The following DENND3 variants were observed in gnomAD, a reference collection of about 807,000 sequenced individuals.
DENND3 encodes DENN domain containing 3.
Under a neutral mutation model 135.1 loss-of-function variants are expected in DENND3, and 88 were observed. The observed-to-expected ratio is 0.65, with a 90% confidence interval of 0.55 to 0.78. The LOEUF (loss-of-function observed/expected upper bound fraction) is 0.78, where lower values mean the gene tolerates loss of function less well. Among genes scored for constraint, DENND3 ranks in the 30% least tolerant of loss-of-function variants. DENND3 has a pLI of 0.00. For missense variants in DENND3, 1,392 were observed against 1,688.4 expected, an observed-to-expected ratio of 0.82 and a Z score of 3.08; for synonymous variants, 693 against 712.3, an observed-to-expected ratio of 0.97 and a Z score of 0.43.
Position 141,141,476 on chromosome 8 carries a change from G to A in DENND3, c.623+152G>A, listed in dbSNP as rs1817449973. 2.2e-6 allele frequency: 2 copies of A among 909,286 alleles called. No homozygotes were observed. The highest frequency in any genetic ancestry group is 2.5e-5 in the Admixed American group (1 of 40,434). The allele number at this position is 909,286 out of a possible 1,614,324, so 56.3% of individuals were successfully genotyped here. A position where few individuals can be genotyped will look rare whatever the true frequency, so the allele number is the denominator to read the frequency against. On this transcript the variant is annotated intron_variant, in intron 4 of 22. Transcript: ENST00000519811. This position sits in a 1 kb window ranked among gnomAD's most constrained non-coding sequence, Gnocchi z 5.3. Reference sequence around the variant, plus strand: ...GGGGACCGGGCGCTGGGGGCAGTAGGAGGGGCAGTTCTCTGTGCCTCTTAG... The same window carrying A: ...GGGGACCGGGCGCTGGGGGCAGTAGAAGGGGCAGTTCTCTGTGCCTCTTAG...
intron 16 of DENND3, 114 bp from the exon 17 acceptor site, chr8:141,180,633 G>A (rs1381174490): frequency 4.0e-6 from 4 of 1,002,312 alleles, no homozygotes; most frequent in Non-Finnish European, 6.0e-6. Flanking sequence ...TCACAAATTA[G>A]GAAGTTTTAC....
rs889453633 is a variant in DENND3, at chr8:141,168,329, G to A, written c.2079G>A (p.Gln693=). The A allele has an allele frequency of 1.9e-6, 3 of 1,613,898 alleles. No individual in the cohort carries two copies. Among genetic ancestry groups the A allele is most frequent in the Non-Finnish European group, 2.5e-6 (3 of 1,180,032 alleles). Residue 693 remains glutamine, a synonymous_variant, in exon 13 of 23, where the codon CAG becomes CAA. Coordinates refer to ENST00000519811, the MANE Select transcript of DENND3 (RefSeq NM_001352890.3). This position sits in a 1 kb window ranked among gnomAD's most constrained non-coding sequence, Gnocchi z 6.2. ...CCCCTGAGTGGGAGGGGGCTGAGCA[G>A]GCGCCGGAGCTGATGAGGCTCATCA... ...MSAPEWEGAE[Q]APELMRLISE...
Position 141,168,198 on chromosome 8 carries a change from C to G in DENND3, c.1948C>G (p.Gln650Glu). The change falls in exon 13 of 23, where the codon CAG becomes GAG. Residue 650 changes from glutamine to glutamate, a missense_variant. Physicochemically the swap from Gln to Glu is conservative, Grantham distance 29. Transcript: ENST00000519811. The surrounding 1 kb of genome is among the most constrained non-coding windows in gnomAD (Gnocchi z 6.2). Reference protein sequence around the residue: ...LYLRGLVYLMQGQLLNALLDF... With the variant: ...LYLRGLVYLMEGQLLNALLDF... ...CCTCCGAGGGCTCGTTTATCTGATG[C>G]AGGGACAGCTGCTGAACGCCCTCTT... is the stretch of plus-strand genomic sequence containing the variant. The G allele has an allele frequency of 6.2e-7, 1 of 1,614,182 alleles. No homozygotes were observed.
chr8:141,165,890 C>G (rs557047978), intron 11 of DENND3, among the ~76,000 whole-genome samples: 1 of 152,270 alleles, frequency 6.6e-6, no homozygotes, highest in East Asian at 1.9e-4. Flanking sequence ...CACCTCCCCC[C>G]ATCCTCAAAG....
rs139559881 is a variant in DENND3, at chr8:141,139,976, C to A, written c.502-1227C>A. Among the ~76,000 whole-genome samples the A allele has an allele frequency of 6.6e-6, 1 of 151,874 alleles. No individual in the cohort carries two copies. The highest frequency in any genetic ancestry group is 2.4e-5 in the African/African-American group (1 of 41,292). ...AGGCTTTAGTGCAGCGGTGTGATCACGGCTCACTGCAGCCTTGAACTCCAG... is the reference window on the plus strand; with the variant it reads ...AGGCTTTAGTGCAGCGGTGTGATCAAGGCTCACTGCAGCCTTGAACTCCAG... On this transcript the variant is annotated intron_variant, in intron 3 of 22. Coordinates refer to ENST00000519811, the MANE Select transcript of DENND3 (RefSeq NM_001352890.3). The surrounding 1 kb of genome is among the most constrained non-coding windows in gnomAD (Gnocchi z 4.2).
chr8:141,151,949 C>G, intron 7 of DENND3, 112 bp downstream of exon 7: 1 of 1,307,816 alleles, frequency 7.6e-7, no homozygotes, highest in South Asian at 1.3e-5. Context: ...GTCTGTGTGC[C>G]GCAGAGAGGT....
At chr8:141,143,273 A>T (rs549682847) in intron 4 of DENND3, among the ~76,000 whole-genome samples, 11 of 152,288 alleles carry the variant, frequency 7.2e-5, no homozygotes, top group Middle Eastern at 3.4e-3. Flanking sequence ...AGTTTTTTTT[A>T]AATTTTTTTT....
At chr8:141,152,888 T>G (rs1401444657) in intron 7 of DENND3, among the ~76,000 whole-genome samples, 1 of 152,166 alleles carries the variant, frequency 6.6e-6, no homozygotes, top group Non-Finnish European at 1.5e-5. Flanking sequence ...TTCTAGCTTC[T>G]CCTAACGTCC....
intron 13 of DENND3, among the ~76,000 whole-genome samples, chr8:141,171,151 T>G (rs1821502101): frequency 6.6e-6 from 1 of 152,160 alleles, no homozygotes; most frequent in Non-Finnish European, 1.5e-5. Context: ...GAGCCTGAAG[T>G]TACCAATGTA....
intron 13 of DENND3, among the ~76,000 whole-genome samples, chr8:141,173,943 T>C (rs1306382201): frequency 6.6e-6 from 1 of 152,088 alleles, no homozygotes; most frequent in Non-Finnish European, 1.5e-5. Flanking sequence ...GTTCTTGGGG[T>C]GTAGCAAGTG....
intron 5 of DENND3, among the ~76,000 whole-genome samples, chr8:141,149,977 C>A (rs1163537535): frequency 6.6e-6 from 1 of 152,146 alleles, no homozygotes; most frequent in East Asian, 1.9e-4. Context: ...CCTGTTTTCT[C>A]CCCCCGGCTC....
At chr8:141,177,766 C>A (rs769167290) in intron 15 of DENND3, 7 of 291,746 alleles carry the variant, frequency 2.4e-5, no homozygotes, top group Non-Finnish European at 3.2e-5. Flanking sequence ...CTCGGTGCTC[C>A]CATGCCGCAG....
rs1191156289 is a variant in DENND3, at chr8:141,137,061, C to T, written c.385+270C>T. On this transcript the variant is annotated intron_variant, in intron 2 of 22. Transcript: ENST00000519811. The surrounding 1 kb of genome is among the most constrained non-coding windows in gnomAD (Gnocchi z 4.1). ...GTGGCACAATCTCCTTTCACTTCATCCTCTGCCTCCTGGGTTCAAGTGATT... is the reference window on the plus strand; with the variant it reads ...GTGGCACAATCTCCTTTCACTTCATTCTCTGCCTCCTGGGTTCAAGTGATT... Among the ~76,000 whole-genome samples, 2 of 152,164 alleles carry T rather than the reference C, an allele frequency of 1.3e-5. No homozygotes were observed. Among genetic ancestry groups the T allele is most frequent in the East Asian group, 3.8e-4 (2 of 5,200 alleles).
At chr8:141,159,580 C>T (rs960451414) in intron 8 of DENND3, among the ~76,000 whole-genome samples, 26 of 152,222 alleles carry the variant, frequency 1.7e-4, no homozygotes, top group Non-Finnish European at 3.8e-4. Context: ...TACTTCCTCC[C>T]ACTCACATGG....
chr8:141,157,282 T>C, intron 8 of DENND3: 1 of 985,142 alleles, frequency 1.0e-6, no homozygotes, highest in Non-Finnish European at 1.2e-6. Flanking sequence ...AGAGGAGGTG[T>C]AATTGCTAAT....
intron 9 of DENND3, among the ~76,000 whole-genome samples, chr8:141,162,770 C>T (rs1315206077): frequency 6.6e-6 from 1 of 152,146 alleles, no homozygotes. Context: ...AAAAATTAGC[C>T]AGGCATGGTG....
At position 141,168,546 on chromosome 8, in the gene DENND3, A is replaced by C; in HGVS notation, c.2275+21A>C. On this transcript the variant is annotated intron_variant, in intron 13 of 22. Transcript: ENST00000519811. This position sits in a 1 kb window ranked among gnomAD's most constrained non-coding sequence, Gnocchi z 6.2. ...TGTAGGTAAGAGGAGGCCTGGCACC[A>C]TCACAGATTTTATTATTTAGAGACA... 6.3e-7 allele frequency: 1 copy of C among 1,582,332 alleles called. No individual in the cohort carries two copies. Among genetic ancestry groups the C allele is most frequent in the Non-Finnish European group, 8.6e-7 (1 of 1,161,406 alleles).
At position 141,128,784 on chromosome 8, in the gene DENND3, G is replaced by C; in HGVS notation, c.77G>C (p.Arg26Pro). The C allele has an allele frequency of 6.8e-7, 1 of 1,460,988 alleles. No individual in the cohort carries two copies. The highest frequency in any genetic ancestry group is 9.0e-7 in the Non-Finnish European group (1 of 1,107,164). The allele number at this position is 1,460,988 out of a possible 1,614,324, so 90.5% of individuals were successfully genotyped here. ...LELCALLGAP[R>P]DSLRSLEQVA... is the part of the protein sequence containing the mutation. ...CTCTGCGCGCTGCTGGGCGCCCCCC[G>C]GGACAGTCTCCGAAGTCTCGAGCAG... The change falls in exon 1 of 23, where the codon CGG becomes CCG. Residue 26 changes from arginine (R) to proline (P), a missense_variant. By Grantham distance (103) the Arg-to-Pro change is moderately radical (BLOSUM62 -2). Coordinates refer to ENST00000519811, the MANE Select transcript of DENND3 (RefSeq NM_001352890.3). This position sits in a 1 kb window ranked among gnomAD's most constrained non-coding sequence, Gnocchi z 4.5.
chr8:141,180,073 TG>T (rs1402026112), intron 16 of DENND3, among the ~76,000 whole-genome samples: 1 of 152,162 alleles, frequency 6.6e-6, no homozygotes, highest in Non-Finnish European at 1.5e-5. Flanking sequence ...TGGGTTGGAT[TG>T]GATAGCAAGA....
Sources: allele counts gnomAD v4.1 joint callset (sites outside exome capture counted in the v4.1 genomes callset), GRCh38; gene constraint gnomAD v4.1.1; non-coding constraint Gnocchi (gnomAD v3.1); transcripts MANE v1.5; gene names NCBI Gene and HGNC (gene_info 2026-07-23, HGNC 2026-07-21).